The following TBC1D32 variants were observed in gnomAD, a reference collection of about 807,000 sequenced individuals.
The protein encoded by TBC1D32 is TBC1 domain family member 32, also known as protein broad-minded.
TBC1D32 carries 151 observed loss-of-function variants against 170.3 expected under a neutral mutation model. The ratio of observed to expected loss-of-function variants is 0.89; its 90% CI spans 0.78 to 1.01. TBC1D32 has a LOEUF of 1.01. TBC1D32 is among the 50% of genes least tolerant of loss of function. The pLI is 0.00. For missense variants in TBC1D32, 1,464 were observed against 1,457.1 expected, an observed-to-expected ratio of 1.00 and a Z score of -0.08; for synonymous variants, 498 against 488.0, an observed-to-expected ratio of 1.02 and a Z score of -0.27.
At chr6:121,112,047 A>C (rs774422415) in intron 29 of TBC1D32, among the ~76,000 whole-genome samples, 1 of 152,156 alleles carries the variant, frequency 6.6e-6, no homozygotes, top group Non-Finnish European at 1.5e-5. Flanking sequence ...TTTAAAATAC[A>C]TTACGATACT....
At chr6:121,180,817 T>A (rs1788408286) in intron 22 of TBC1D32, among the ~76,000 whole-genome samples, 1 of 152,114 alleles carries the variant, frequency 6.6e-6, no homozygotes, top group African/African-American at 2.4e-5. Flanking sequence ...TGAGAAGATA[T>A]TTGTAAACTA....
chr6:121,113,015 A>G (rs1365141966), intron 28 of TBC1D32, 47 bp downstream of exon 28: 2 of 1,394,694 alleles, frequency 1.4e-6, no homozygotes, highest in Non-Finnish European at 2.0e-6. Context: ...ATCATGAAAA[A>G]TATGTGAAAA....
intron 1 of TBC1D32, among the ~76,000 whole-genome samples, chr6:121,333,585 G>A (rs1475585780): frequency 2.0e-5 from 3 of 152,120 alleles, no homozygotes; most frequent in African/African-American, 7.2e-5. Context: ...AATATCAGCA[G>A]ATATTTTCAA....
intron 14 of TBC1D32, 55 bp from the exon 15 acceptor site, chr6:121,279,300 T>C: frequency 6.4e-7 from 1 of 1,552,414 alleles, no homozygotes; most frequent in Non-Finnish European, 8.7e-7. Context: ...CATGCTAACA[T>C]ATCACAGACT....
intron 3 of TBC1D32, among the ~76,000 whole-genome samples, chr6:121,314,359 A>G (rs1240283488): frequency 3.3e-5 from 5 of 152,210 alleles, no homozygotes; most frequent in African/African-American, 1.2e-4. Flanking sequence ...CACATCAGCA[A>G]AGTCCCTTTT....
chr6:121,135,718 G>A (rs889455460), intron 24 of TBC1D32, among the ~76,000 whole-genome samples: 1 of 152,098 alleles, frequency 6.6e-6, no homozygotes, highest in Admixed American at 6.6e-5. Flanking sequence ...ACAGCTGGGG[G>A]TTATAAACTG....
At chr6:121,233,149 T>C (rs2002411442) in intron 20 of TBC1D32, among the ~76,000 whole-genome samples, 2 of 152,074 alleles carry the variant, frequency 1.3e-5, no homozygotes, top group Admixed American at 1.3e-4. Flanking sequence ...TCTTGGAGGA[T>C]GTTCTATGTG....
chr6:121,333,504 A>C (rs1197834924), intron 1 of TBC1D32, among the ~76,000 whole-genome samples: 2 of 152,172 alleles, frequency 1.3e-5, no homozygotes, highest in Non-Finnish European at 2.9e-5. Flanking sequence ...ACTATTCCAG[A>C]GGAAACTAAT....
chr6:121,294,539 A>G (rs74614020), intron 11 of TBC1D32, 31 bp downstream of exon 11: 30,213 of 1,513,500 alleles, frequency 0.02, 1,141 homozygotes, highest in East Asian at 0.14. Context: ...TACCATTTTT[A>G]AAAGTATGTA....
intron 1 of TBC1D32, among the ~76,000 whole-genome samples, chr6:121,330,770 G>T (rs751448929): frequency 5.3e-5 from 8 of 152,250 alleles, no homozygotes; most frequent in South Asian, 4.2e-4. Flanking sequence ...GCCCCCAGAT[G>T]GTTCCAGTGC....
intron 21 of TBC1D32, among the ~76,000 whole-genome samples, chr6:121,216,552 T>C (rs1015048580): frequency 1.3e-5 from 2 of 152,164 alleles, no homozygotes; most frequent in Admixed American, 6.5e-5. Context: ...TGGAGAACAC[T>C]GATAGTCATT....
chr6:121,107,542 A>G (rs900547105), intron 29 of TBC1D32, among the ~76,000 whole-genome samples: 1 of 151,966 alleles, frequency 6.6e-6, no homozygotes, highest in Non-Finnish European at 1.5e-5. Flanking sequence ...TAGAACAAAA[A>G]GAAAACTTTT....
intron 24 of TBC1D32, among the ~76,000 whole-genome samples, chr6:121,152,197 G>A (rs1342307067): frequency 6.6e-6 from 1 of 152,100 alleles, no homozygotes; most frequent in Non-Finnish European, 1.5e-5. Flanking sequence ...GGCAGGCCTG[G>A]AGTGACAAAA....
chr6:121,266,870 A>C (rs758917193), intron 15 of TBC1D32, among the ~76,000 whole-genome samples: 3 of 152,026 alleles, frequency 2.0e-5, no homozygotes, highest in Admixed American at 6.6e-5. Flanking sequence ...ATGAGAACAC[A>C]TGGACACAGA....
At chr6:121,122,730 G>A (rs1006042218) in intron 26 of TBC1D32, among the ~76,000 whole-genome samples, 7 of 152,044 alleles carry the variant, frequency 4.6e-5, no homozygotes, top group Admixed American at 3.3e-4. Flanking sequence ...CTTCCCACTA[G>A]AAAGTAAACT....
At chr6:121,303,085 G>A (rs1481307324) in intron 9 of TBC1D32, among the ~76,000 whole-genome samples, 1 of 152,076 alleles carries the variant, frequency 6.6e-6, no homozygotes, top group Non-Finnish European at 1.5e-5. Context: ...GTTGAGGGAG[G>A]TAACAGTATA....
chr6:121,154,504 C>CT (rs1444959023), intron 24 of TBC1D32, among the ~76,000 whole-genome samples: 1 of 152,148 alleles, frequency 6.6e-6, no homozygotes, highest in African/African-American at 2.4e-5. Context: ...CTGTTAGATT[C>CT]TTGATATTAG....
chr6:121,119,935 T>C (rs922147937), intron 26 of TBC1D32, among the ~76,000 whole-genome samples: 3 of 152,070 alleles, frequency 2.0e-5, no homozygotes, highest in Non-Finnish European at 4.4e-5. Flanking sequence ...TAAAAAAACA[T>C]TGAATACATC....
intron 24 of TBC1D32, among the ~76,000 whole-genome samples, chr6:121,145,384 T>C (rs995901247): frequency 6.6e-6 from 1 of 152,058 alleles, no homozygotes; most frequent in African/African-American, 2.4e-5. Flanking sequence ...AAACACTCTA[T>C]ATAATCTCGC....
Sources: allele counts gnomAD v4.1 joint callset (sites outside exome capture counted in the v4.1 genomes callset), GRCh38; gene constraint gnomAD v4.1.1; transcripts MANE v1.5; gene names NCBI Gene and HGNC (gene_info 2026-07-23, HGNC 2026-07-21).